The following LIMS1 variants were observed in gnomAD, a reference collection of about 807,000 sequenced individuals.
LIMS1 encodes LIM and senescent cell antigen-like-containing domain protein 1.
LIMS1 carries 18 observed loss-of-function variants against 44.1 expected under a neutral mutation model. The observed-to-expected ratio is 0.41, with a 90% CI of 0.28 to 0.61. LIMS1 has a LOEUF of 0.61. Ranked by LOEUF, LIMS1 falls within the 20% of genes least tolerant of loss-of-function variation. The probability of loss-of-function intolerance (pLI) is 0.32; values close to 1 mark genes in which losing one functional copy is unlikely to be tolerated. For missense variants in LIMS1, 201 were observed against 422.0 expected (o/e 0.48, Z 4.59); for synonymous variants, 93 against 149.1 (o/e 0.62, Z 2.74).
intron 1 of LIMS1, among the ~76,000 whole-genome samples, chr2:108,554,477 G>A (rs1487369383): frequency 3.3e-5 from 5 of 152,096 alleles, no homozygotes; most frequent in Non-Finnish European, 5.9e-5. Context: ...CCTTATTCTT[G>A]GGGTAGAAAC....
chr2:108,632,571 G>A (rs1301931083), intron 1 of LIMS1, among the ~76,000 whole-genome samples: 1 of 152,154 alleles, frequency 6.6e-6, no homozygotes, highest in Non-Finnish European at 1.5e-5. Flanking sequence ...ATCAGGCAGT[G>A]CTAGATCTTA....
intron 8 of LIMS1, among the ~76,000 whole-genome samples, chr2:108,678,951 G>C (rs1343883776): frequency 1.3e-5 from 2 of 152,166 alleles, no homozygotes; most frequent in Non-Finnish European, 2.9e-5. Context: ...GCTGGTGTAA[G>C]ACATGGCACA....
intron 2 of LIMS1, among the ~76,000 whole-genome samples, chr2:108,666,114 C>T (rs986063031): frequency 1.1e-4 from 16 of 152,104 alleles, no homozygotes; most frequent in Non-Finnish European, 1.8e-4. Context: ...ACACTATCTA[C>T]CTGGAGACCA....
At chr2:108,636,341 C>A (rs554092974) in intron 1 of LIMS1, among the ~76,000 whole-genome samples, 11 of 152,222 alleles carry the variant, frequency 7.2e-5, no homozygotes, top group Non-Finnish European at 1.3e-4. Context: ...CTGCATGCAC[C>A]ATCAGGGTCC....
At chr2:108,632,210 A>G (rs1041234155) in intron 1 of LIMS1, among the ~76,000 whole-genome samples, 1 of 152,122 alleles carries the variant, frequency 6.6e-6, no homozygotes, top group Non-Finnish European at 1.5e-5. Context: ...ACCTCAGGTG[A>G]TCCACCTGCC....
At chr2:108,558,222 CTT>C (rs11289639) in intron 1 of LIMS1, among the ~76,000 whole-genome samples, 48 of 144,080 alleles carry the variant, frequency 3.3e-4, no homozygotes, top group South Asian at 1.1e-3. Context: ...GCATTTTTTT[CTT>C]TTTTTTTTTT....
At chr2:108,675,329 G>C (rs1160069980) in intron 5 of LIMS1, among the ~76,000 whole-genome samples, 3 of 151,866 alleles carry the variant, frequency 2.0e-5, no homozygotes. Flanking sequence ...GGGAAGAGGA[G>C]GGGGGAAGGA....
At chr2:108,599,640 C>T (rs1347358668) in intron 1 of LIMS1, among the ~76,000 whole-genome samples, 3 of 152,198 alleles carry the variant, frequency 2.0e-5, no homozygotes, top group South Asian at 2.1e-4. Flanking sequence ...TACATTTCCA[C>T]CAACAGGGTA....
intron 1 of LIMS1, among the ~76,000 whole-genome samples, chr2:108,561,746 G>GTTTTT (rs200154866): frequency 4.5e-5 from 6 of 134,124 alleles, no homozygotes; most frequent in Middle Eastern, 3.4e-3. Flanking sequence ...GTTTTTTTTT[G>GTTTTT]TTTTTTTTTT....
At chr2:108,621,327 T>G (rs1688223741) in intron 1 of LIMS1, 1 of 1,549,804 alleles carries the variant, frequency 6.5e-7, no homozygotes, top group Non-Finnish European at 8.7e-7. Context: ...TGCTTTAAAG[T>G]GTCAGCAATT....
intron 1 of LIMS1, among the ~76,000 whole-genome samples, chr2:108,603,495 CT>C (rs55909729): frequency 2.8e-3 from 251 of 88,218 alleles, no homozygotes; most frequent in African/African-American, 5.0e-3. Flanking sequence ...TTTTCATCGC[CT>C]TTTTTTTTTT....
At chr2:108,673,387 ATT>A in intron 5 of LIMS1, 2 of 316,694 alleles carry the variant, frequency 6.3e-6, no homozygotes, top group Non-Finnish European at 1.2e-5. Flanking sequence ...CTTTTTGTAA[ATT>A]TTTTTTTGCC....
At chr2:108,547,698 C>CT (rs1434600610) in intron 1 of LIMS1, among the ~76,000 whole-genome samples, 1 of 152,196 alleles carries the variant, frequency 6.6e-6, no homozygotes, top group African/African-American at 2.4e-5. Context: ...TCATTCTCCA[C>CT]TTTCAAATTT....
At chr2:108,634,913 C>T (rs553612019) in intron 1 of LIMS1, among the ~76,000 whole-genome samples, 1 of 152,332 alleles carries the variant, frequency 6.6e-6, no homozygotes, top group East Asian at 1.9e-4. Flanking sequence ...TTCCTTTATT[C>T]TCCTCTTGTT....
intron 1 of LIMS1, among the ~76,000 whole-genome samples, chr2:108,640,827 G>T (rs185698188): frequency 6.6e-6 from 1 of 152,030 alleles, no homozygotes; most frequent in Non-Finnish European, 1.5e-5. Flanking sequence ...TTGAACATGC[G>T]CAATAAATTA....
intron 1 of LIMS1, among the ~76,000 whole-genome samples, chr2:108,642,968 G>A (rs944330527): frequency 2.0e-5 from 3 of 152,190 alleles, no homozygotes; most frequent in African/African-American, 7.2e-5. Context: ...GACTCATGCA[G>A]CCAGGGTCCT....
At chr2:108,683,539 CAA>C (rs35864001) in intron 9 of LIMS1, among the ~76,000 whole-genome samples, 1 of 105,982 alleles carries the variant, frequency 9.4e-6, no homozygotes. Flanking sequence ...GCTCTGTTTC[CAA>C]AAAAAAAAAA....
chr2:108,650,661 G>A (rs977913701), intron 1 of LIMS1, among the ~76,000 whole-genome samples: 1 of 151,988 alleles, frequency 6.6e-6, no homozygotes, highest in Non-Finnish European at 1.5e-5. Context: ...CCTGACCTCA[G>A]GTGATCCACC....
chr2:108,571,975 G>A (rs1435295313), intron 1 of LIMS1, among the ~76,000 whole-genome samples: 2 of 152,122 alleles, frequency 1.3e-5, no homozygotes, highest in Non-Finnish European at 2.9e-5. Context: ...AAAAAGGATG[G>A]GTAAGGGGAT....
Sources: gnomAD v4.1 joint callset for allele counts (sites outside exome capture counted in the v4.1 genomes callset) on GRCh38, gnomAD v4.1.1 for gene constraint, MANE v1.5 for transcripts, NCBI Gene and HGNC (gene_info 2026-07-23, HGNC 2026-07-21) for gene names.